Variants in ROR1 observed in about 807,000 individuals in gnomAD.
ROR1 encodes ROR family WNT receptor 1.
ROR1 carries 19 observed loss-of-function variants against 78.8 expected under a neutral mutation model. That is an observed-to-expected ratio of 0.24 (90% CI 0.17 to 0.35). The LOEUF is 0.35. Among genes scored for constraint, ROR1 ranks in the 10% least tolerant of loss-of-function variants. The probability of loss-of-function intolerance (pLI) is 1.00; values close to 1 mark genes in which losing one functional copy is unlikely to be tolerated. For missense variants in ROR1, 917 were observed against 1,177.8 expected (o/e 0.78, Z 3.24); for synonymous variants, 386 against 433.6 (o/e 0.89, Z 1.36).
intron 1 of ROR1, among the ~76,000 whole-genome samples, chr1:63,932,850 T>A (rs1381495187): frequency 2.6e-5 from 4 of 152,130 alleles, no homozygotes; most frequent in Non-Finnish European, 4.4e-5. Context: ...CACTGATTTT[T>A]ACCTGGAGCT....
rs150448000 is a variant in ROR1 at position 64,105,717 on chromosome 1, C to A, written c.483-31652C>A. 1.9e-3 allele frequency: 285 copies of A among 152,288 alleles called. 1 individual carries two copies. Among genetic ancestry groups the A allele is most frequent in the African/African-American group, 6.5e-3 (269 of 41,550 alleles). 9.4% of individuals were successfully genotyped at this position (152,288 alleles called of 1,614,324 possible). A position where few individuals can be genotyped will look rare whatever the true frequency, so the allele number is the denominator to read the frequency against. On this transcript the variant is annotated intron_variant, in intron 4 of 8. Coordinates refer to ENST00000371079, the MANE Select transcript of ROR1 (RefSeq NM_005012.4). ...CAGAAACATTTAATGAATAGGAGAT[C>A]ATTTCCCGATCGCTTGTTTTTGTCA...
intron 6 of ROR1, 84 bp downstream of exon 6, chr1:64,140,510 T>C: frequency 7.9e-7 from 1 of 1,266,938 alleles, no homozygotes; most frequent in East Asian, 2.4e-5. Context: ...TGACCCATAG[T>C]GATTTTCATA....
At chr1:63,993,440 C>G (rs1484643641) in intron 1 of ROR1, among the ~76,000 whole-genome samples, 2 of 152,188 alleles carry the variant, frequency 1.3e-5, no homozygotes, top group African/African-American at 4.8e-5. Flanking sequence ...TTCCCCTTCT[C>G]TGGTGTAGAC....
intron 1 of ROR1, among the ~76,000 whole-genome samples, chr1:63,799,557 G>A (rs560082223): frequency 2.6e-5 from 4 of 152,078 alleles, no homozygotes; most frequent in African/African-American, 7.2e-5. Flanking sequence ...TTTGTTTATA[G>A]CTCTTAGTTC....
intron 4 of ROR1, among the ~76,000 whole-genome samples, chr1:64,108,843 T>C (rs963203624): frequency 3.9e-5 from 6 of 152,178 alleles, no homozygotes; most frequent in African/African-American, 1.4e-4. Flanking sequence ...TTCTGTTATA[T>C]GGGTCACCCT....
chr1:63,951,543 C>G (rs904456611), intron 1 of ROR1, among the ~76,000 whole-genome samples: 1 of 152,144 alleles, frequency 6.6e-6, no homozygotes, highest in Non-Finnish European at 1.5e-5. Context: ...ATCAGGAGAC[C>G]TGAGAGAGAA....
At chr1:64,139,996 T>C (rs574844691) in intron 5 of ROR1, 113 bp from the exon 6 acceptor site, 281 of 984,316 alleles carry the variant, frequency 2.9e-4, no homozygotes, top group Non-Finnish European at 4.0e-4. Context: ...CCTTGTCTGT[T>C]TCAGCACGGC....
intron 1 of ROR1, among the ~76,000 whole-genome samples, chr1:63,968,124 T>C (rs1235413221): frequency 1.3e-5 from 2 of 152,204 alleles, no homozygotes; most frequent in Non-Finnish European, 2.9e-5. Context: ...GATCCAAGAA[T>C]GTTAAATAGT....
chr1:64,006,754 T>C (rs993722430), intron 1 of ROR1, among the ~76,000 whole-genome samples: 1 of 152,186 alleles, frequency 6.6e-6, no homozygotes, highest in African/African-American at 2.4e-5. Flanking sequence ...AGGGTATGTG[T>C]GGTTCATCTA....
chr1:63,895,463 C>T (rs1263974043), intron 1 of ROR1, among the ~76,000 whole-genome samples: 2 of 152,118 alleles, frequency 1.3e-5, no homozygotes, highest in African/African-American at 4.8e-5. Context: ...AGAGGATGAT[C>T]TCTGTTGACC....
At chr1:63,777,286 T>G (rs1007929001) in intron 1 of ROR1, among the ~76,000 whole-genome samples, 2 of 152,204 alleles carry the variant, frequency 1.3e-5, no homozygotes, top group Non-Finnish European at 2.9e-5. Context: ...TTTGTAAACC[T>G]TCCGTTGCCA....
chr1:64,133,485 GA>G (rs950722071), intron 4 of ROR1, among the ~76,000 whole-genome samples: 9 of 152,174 alleles, frequency 5.9e-5, no homozygotes, highest in African/African-American at 1.9e-4. Flanking sequence ...CCTGGAGAAG[GA>G]GGAGACCCTG....
intron 2 of ROR1, among the ~76,000 whole-genome samples, chr1:64,011,412 A>G (rs1646473530): frequency 6.6e-6 from 1 of 152,200 alleles, no homozygotes; most frequent in African/African-American, 2.4e-5. Flanking sequence ...CAAGTTCCTT[A>G]TGGTGCCAAC....
intron 1 of ROR1, among the ~76,000 whole-genome samples, chr1:63,961,896 A>G (rs1345165104): frequency 1.3e-5 from 2 of 152,234 alleles, no homozygotes; most frequent in Non-Finnish European, 2.9e-5. Context: ...GGATATTCCA[A>G]CTACCCTGAT....
chr1:64,076,983 G>T (rs1169862432), intron 4 of ROR1, among the ~76,000 whole-genome samples: 1 of 152,010 alleles, frequency 6.6e-6, no homozygotes, highest in Non-Finnish European at 1.5e-5. Flanking sequence ...TAAGATGTTT[G>T]GTCTAAAATA....
intron 1 of ROR1, among the ~76,000 whole-genome samples, chr1:63,827,235 T>A (rs77183320): frequency 0.028 from 4,335 of 152,296 alleles, 154 homozygotes; most frequent in South Asian, 0.096. Flanking sequence ...ATTCTGTAGG[T>A]AGTCTGTTTA....
At chr1:64,033,224 G>A (rs983526297) in intron 2 of ROR1, among the ~76,000 whole-genome samples, 9 of 152,228 alleles carry the variant, frequency 5.9e-5, no homozygotes, top group Admixed American at 2.0e-4. Flanking sequence ...ACAGGATATC[G>A]TATTCTAAAG....
intron 4 of ROR1, among the ~76,000 whole-genome samples, chr1:64,104,670 T>A (rs560089250): frequency 6.6e-6 from 1 of 152,262 alleles, no homozygotes; most frequent in South Asian, 2.1e-4. Context: ...GTCCATGTGT[T>A]ATCATGGTTC....
rs183392183 is a variant in ROR1, at chr1:64,001,682, G to T, written c.92-7623G>T. 3.0e-4 allele frequency among the ~76,000 whole-genome samples: 46 copies of T among 152,250 alleles called. 2 individuals carry two copies. In the East Asian group the frequency reaches 8.5e-3, roughly 28 times the overall value. ...TAGCAGCTTCTCTGGACTGTTAGGA[G>T]AAGTATTTCCAGCACCTTCCCACAG... On this transcript the variant is annotated intron_variant, in intron 1 of 8. Transcript: ENST00000371079.
Sources: gnomAD v4.1 joint callset for allele counts (sites outside exome capture counted in the v4.1 genomes callset) on GRCh38, gnomAD v4.1.1 for gene constraint, MANE v1.5 for transcripts, NCBI Gene and HGNC (gene_info 2026-07-23, HGNC 2026-07-21) for gene names.